CHCHD6: variants seen among roughly 807,000 people sequenced by gnomAD.
CHCHD6 encodes MICOS complex subunit MIC25.
Under a neutral mutation model 32.3 loss-of-function variants are expected in CHCHD6, and 28 were observed. That is an observed-to-expected ratio of 0.87 (90% confidence interval 0.64 to 1.19). CHCHD6 has a LOEUF of 1.19. Ranked by LOEUF, CHCHD6 falls within the 50% of genes most tolerant of loss-of-function variation. The pLI, the probability that CHCHD6 is intolerant of heterozygous loss-of-function variation, is 0.00. For missense variants in CHCHD6, 333 were observed against 307.0 expected (o/e 1.08, Z -0.63); for synonymous variants, 122 against 117.5 (o/e 1.04, Z -0.25).
At chr3:126,925,624 T>TAGGAGAAGCATGGTGGCTGGCTGCCTGC (rs1490924807) in intron 6 of CHCHD6, among the ~76,000 whole-genome samples, 1 of 152,060 alleles carries the variant, frequency 6.6e-6, no homozygotes, top group African/African-American at 2.4e-5. Context: ...GTGTTCTGTC[T>TAGGAGAAGCATGGTGGCTGGCTGCCTGC]CTGTCTCCCT....
intron 4 of CHCHD6, among the ~76,000 whole-genome samples, chr3:126,760,678 T>C (rs951267506): frequency 1.3e-5 from 2 of 152,262 alleles, no homozygotes; most frequent in Non-Finnish European, 2.9e-5. Context: ...AGAATTTCTT[T>C]CCTTTTTAAA....
chr3:126,813,743 G>A (rs1194547618), intron 4 of CHCHD6, among the ~76,000 whole-genome samples: 1 of 152,154 alleles, frequency 6.6e-6, no homozygotes, highest in Non-Finnish European at 1.5e-5. Flanking sequence ...ACCCTCACCT[G>A]TTTCTTTGCT....
intron 5 of CHCHD6, among the ~76,000 whole-genome samples, chr3:126,882,324 CT>C (rs1369481373): frequency 6.6e-6 from 1 of 152,178 alleles, no homozygotes; most frequent in Non-Finnish European, 1.5e-5. Context: ...ATGGAGATGC[CT>C]ACCTTGGCCG....
intron 5 of CHCHD6, among the ~76,000 whole-genome samples, chr3:126,881,882 G>A (rs1253402373): frequency 6.6e-6 from 1 of 152,198 alleles, no homozygotes; most frequent in Non-Finnish European, 1.5e-5. Context: ...CTGGCAGGTG[G>A]CTCTGGGTGG....
At chr3:126,835,860 C>A (rs1394894636) in intron 4 of CHCHD6, among the ~76,000 whole-genome samples, 4 of 152,240 alleles carry the variant, frequency 2.6e-5, no homozygotes, top group African/African-American at 9.6e-5. Flanking sequence ...TGTTCTCCAG[C>A]ATTACTTTTT....
At chr3:126,937,752 A>G (rs1576626185) in intron 6 of CHCHD6, among the ~76,000 whole-genome samples, 1 of 152,278 alleles carries the variant, frequency 6.6e-6, no homozygotes, top group African/African-American at 2.4e-5. Context: ...TTGTATCCTC[A>G]GGCTGACCAC....
chr3:126,920,166 T>G (rs1188946842), intron 6 of CHCHD6, among the ~76,000 whole-genome samples: 1 of 151,958 alleles, frequency 6.6e-6, no homozygotes, highest in Admixed American at 6.6e-5. Flanking sequence ...CATTCAGAAT[T>G]TCAGTTACTA....
chr3:126,778,282 A>G (rs1937749092), intron 4 of CHCHD6, among the ~76,000 whole-genome samples: 1 of 152,226 alleles, frequency 6.6e-6, no homozygotes, highest in Admixed American at 6.5e-5. Context: ...TTGGTTATAT[A>G]CTTTGCAATG....
chr3:126,710,197 G>C (rs1253305684), intron 1 of CHCHD6, among the ~76,000 whole-genome samples: 1 of 152,166 alleles, frequency 6.6e-6, no homozygotes, highest in African/African-American at 2.4e-5. Context: ...CTGTTGAAAA[G>C]ATTATTCTTT....
intron 5 of CHCHD6, among the ~76,000 whole-genome samples, chr3:126,874,953 G>T (rs1256807724): frequency 1.3e-5 from 2 of 152,112 alleles, no homozygotes; most frequent in Admixed American, 1.3e-4. Context: ...GGGTGCACTT[G>T]GTACACCTTC....
chr3:126,820,547 G>A (rs1940105519), intron 4 of CHCHD6, among the ~76,000 whole-genome samples: 1 of 152,196 alleles, frequency 6.6e-6, no homozygotes, highest in Non-Finnish European at 1.5e-5. Flanking sequence ...GTATTTAGCA[G>A]TAGTTTGTTC....
chr3:126,869,648 G>A (rs577770304), intron 5 of CHCHD6, among the ~76,000 whole-genome samples: 1 of 151,760 alleles, frequency 6.6e-6, no homozygotes, highest in Non-Finnish European at 1.5e-5. Context: ...TTAATTTTTA[G>A]GACTTCTTTA....
chr3:126,776,530 C>T (rs1011884364), intron 4 of CHCHD6, among the ~76,000 whole-genome samples: 4 of 152,156 alleles, frequency 2.6e-5, no homozygotes, highest in South Asian at 2.1e-4. Flanking sequence ...CTGTTTGGAT[C>T]GATTCTGAAT....
chr3:126,953,582 A>G (rs2078745748), intron 6 of CHCHD6, among the ~76,000 whole-genome samples: 1 of 152,222 alleles, frequency 6.6e-6, no homozygotes, highest in South Asian at 2.1e-4. Context: ...ACTTCACAGC[A>G]TGCAATTCTG....
chr3:126,914,073 C>T (rs781277135), intron 5 of CHCHD6, among the ~76,000 whole-genome samples: 11 of 152,272 alleles, frequency 7.2e-5, no homozygotes, highest in Non-Finnish European at 1.3e-4. Context: ...GTTGCTGTTC[C>T]GATGAGTAGG....
At chr3:126,834,117 G>A (rs1308104055) in intron 4 of CHCHD6, among the ~76,000 whole-genome samples, 2 of 147,918 alleles carry the variant, frequency 1.4e-5, no homozygotes, top group Non-Finnish European at 3.0e-5. Flanking sequence ...CATCATATGT[G>A]TGAAATAATC....
At chr3:126,717,132 A>G (rs6806049) in intron 1 of CHCHD6, among the ~76,000 whole-genome samples, 69,230 of 151,824 alleles carry the variant, frequency 0.46, 17,438 homozygotes, top group African/African-American at 0.68. Context: ...GGCTTCATGG[A>G]CTGGGCAAGT....
At chr3:126,741,340 G>A (rs1479586064) in intron 4 of CHCHD6, among the ~76,000 whole-genome samples, 3 of 119,866 alleles carry the variant, frequency 2.5e-5, no homozygotes, top group Non-Finnish European at 5.0e-5. Context: ...ACAAATCAGT[G>A]ATTTTTTTTT....
At chr3:126,756,256 T>G (rs1936955145) in intron 4 of CHCHD6, among the ~76,000 whole-genome samples, 1 of 152,194 alleles carries the variant, frequency 6.6e-6, no homozygotes, top group Admixed American at 6.5e-5. Context: ...AGAAGCCTCT[T>G]GGGTGATTCT....
Sources: gnomAD v4.1 joint callset for allele counts (sites outside exome capture counted in the v4.1 genomes callset) on GRCh38, gnomAD v4.1.1 for gene constraint, MANE v1.5 for transcripts, NCBI Gene and HGNC (gene_info 2026-07-23, HGNC 2026-07-21) for gene names.